Variants in NPAS3 observed in about 807,000 individuals in gnomAD.
NPAS3 encodes the protein neuronal PAS domain-containing protein 3.
A neutral mutation model predicts 73.1 loss-of-function variants in NPAS3; 14 were observed. The ratio of observed to expected loss-of-function variants is 0.19; its 90% CI spans 0.13 to 0.30. NPAS3 has a LOEUF of 0.30. NPAS3 is among the 10% of genes least tolerant of loss of function. The pLI, the probability that NPAS3 is intolerant of heterozygous loss-of-function variation, is 1.00. For missense variants in NPAS3, 1,096 were observed against 1,250.0 expected (o/e 0.88, Z 1.86); for synonymous variants, 620 against 541.5 (o/e 1.14, Z -2.01).
chr14:33,031,687 C>T (rs1314050970), intron 1 of NPAS3, among the ~76,000 whole-genome samples: 1 of 152,178 alleles, frequency 6.6e-6, no homozygotes, highest in Non-Finnish European at 1.5e-5. Flanking sequence ...TGGGGCCTCA[C>T]AGTGTTGCCC....
intron 3 of NPAS3, among the ~76,000 whole-genome samples, chr14:33,223,896 A>C (rs750618649): frequency 5.5e-4 from 83 of 152,100 alleles, no homozygotes; most frequent in Non-Finnish European, 1.0e-3. Context: ...AATCATTATA[A>C]ATAAGACAGG....
intron 5 of NPAS3, among the ~76,000 whole-genome samples, chr14:33,629,244 A>AG (rs901925210): frequency 1.3e-5 from 2 of 151,760 alleles, no homozygotes; most frequent in African/African-American, 4.8e-5. Context: ...CAAAAAAAAA[A>AG]AAAAAAGAAA....
chr14:33,724,558 T>C (rs75593815), intron 6 of NPAS3, among the ~76,000 whole-genome samples: 35 of 152,108 alleles, frequency 2.3e-4, no homozygotes, highest in African/African-American at 7.7e-4. Context: ...ACCTGAACCT[T>C]GGAGGTCGAG....
chr14:33,109,521 T>A (rs1437366188), intron 2 of NPAS3, among the ~76,000 whole-genome samples: 1 of 152,202 alleles, frequency 6.6e-6, no homozygotes, highest in Non-Finnish European at 1.5e-5. Context: ...TGGGAAATAC[T>A]GACTCAAGTG....
At chr14:33,330,157 C>G (rs1023350111) in intron 3 of NPAS3, among the ~76,000 whole-genome samples, 1 of 152,010 alleles carries the variant, frequency 6.6e-6, no homozygotes, top group African/African-American at 2.4e-5. Context: ...GAGGGAGAAT[C>G]ACCTGAACCT....
chr14:33,226,820 A>G (rs1177143373), intron 3 of NPAS3, among the ~76,000 whole-genome samples: 4 of 152,224 alleles, frequency 2.6e-5, no homozygotes, highest in Non-Finnish European at 4.4e-5. Context: ...ATTAAAGCAT[A>G]TTATTTACGT....
chr14:33,317,153 A>G (rs1489041236), intron 3 of NPAS3, among the ~76,000 whole-genome samples: 1 of 152,064 alleles, frequency 6.6e-6, no homozygotes, highest in Non-Finnish European at 1.5e-5. Flanking sequence ...CCTTTTAAGA[A>G]CAGCTGAAAT....
intron 5 of NPAS3, among the ~76,000 whole-genome samples, chr14:33,648,541 T>G (rs974957610): frequency 6.6e-6 from 1 of 152,222 alleles, no homozygotes; most frequent in African/African-American, 2.4e-5. Flanking sequence ...AGGCCCAATT[T>G]ATAGAATTCC....
chr14:33,659,923 C>T (rs1469281374), intron 5 of NPAS3, among the ~76,000 whole-genome samples: 1 of 152,076 alleles, frequency 6.6e-6, no homozygotes, highest in Non-Finnish European at 1.5e-5. Flanking sequence ...ATGGACTTCG[C>T]TAAATGAAAA....
At chr14:33,398,336 C>T (rs1469584804) in intron 4 of NPAS3, among the ~76,000 whole-genome samples, 1 of 151,474 alleles carries the variant, frequency 6.6e-6, no homozygotes, top group Non-Finnish European at 1.5e-5. Flanking sequence ...ATCTTTGTTC[C>T]TGTGAAGTAA....
intron 6 of NPAS3, among the ~76,000 whole-genome samples, chr14:33,731,630 G>A (rs1036220574): frequency 6.6e-6 from 1 of 152,010 alleles, no homozygotes; most frequent in Non-Finnish European, 1.5e-5. Flanking sequence ...ATAATAACAA[G>A]GGGAACAGCA....
chr14:33,681,533 G>A (rs1184712824), intron 6 of NPAS3, among the ~76,000 whole-genome samples: 1 of 152,182 alleles, frequency 6.6e-6, no homozygotes, highest in East Asian at 1.9e-4. Flanking sequence ...TTGATCTGAA[G>A]CCTTTAAAAA....
chr14:33,051,451 C>T (rs2040708988), intron 1 of NPAS3, among the ~76,000 whole-genome samples: 1 of 152,102 alleles, frequency 6.6e-6, no homozygotes, highest in African/African-American at 2.4e-5. Context: ...TGAAAAACTA[C>T]CTTTCTATTT....
intron 4 of NPAS3, among the ~76,000 whole-genome samples, chr14:33,461,341 T>A (rs1183223804): frequency 1.3e-5 from 2 of 152,190 alleles, no homozygotes; most frequent in Non-Finnish European, 2.9e-5. Flanking sequence ...ATGATTCCTG[T>A]CAAAATCATT....
intron 4 of NPAS3, among the ~76,000 whole-genome samples, chr14:33,554,360 C>G (rs943272997): frequency 6.6e-6 from 1 of 152,190 alleles, no homozygotes; most frequent in Non-Finnish European, 1.5e-5. Context: ...AGATTATACT[C>G]TATCACGTAT....
chr14:33,276,164 G>A (rs1285201350), intron 3 of NPAS3, among the ~76,000 whole-genome samples: 2 of 152,098 alleles, frequency 1.3e-5, no homozygotes, highest in Non-Finnish European at 2.9e-5. Context: ...ATCGAAAGTA[G>A]GGTTAATTTG....
chr14:33,427,325 C>T (rs1343205341), intron 4 of NPAS3, among the ~76,000 whole-genome samples: 2 of 151,882 alleles, frequency 1.3e-5, no homozygotes, highest in African/African-American at 4.8e-5. Flanking sequence ...CATGTTCCTC[C>T]CTAGGTTGTC....
chr14:32,938,246 C>T (rs1207181407), upstream of NPAS3, among the ~76,000 whole-genome samples: 1 of 152,058 alleles, frequency 6.6e-6, no homozygotes, highest in Non-Finnish European at 1.5e-5. Flanking sequence ...CTGCTTGGGC[C>T]AGCGCACCCC....
intron 6 of NPAS3, among the ~76,000 whole-genome samples, chr14:33,707,655 G>A (rs571676341): frequency 5.3e-5 from 8 of 152,300 alleles, no homozygotes; most frequent in African/African-American, 1.4e-4. Flanking sequence ...CTGCCCAAGT[G>A]GAGCTAATAG....
Sources: gnomAD v4.1 joint callset for allele counts (sites outside exome capture counted in the v4.1 genomes callset) on GRCh38, gnomAD v4.1.1 for gene constraint, MANE v1.5 for transcripts, NCBI Gene and HGNC (gene_info 2026-07-23, HGNC 2026-07-21) for gene names.